TMUB2: variants seen among roughly 807,000 people sequenced by gnomAD.
TMUB2 encodes the protein transmembrane and ubiquitin like domain containing 2, also known as transmembrane and ubiquitin-like domain-containing protein 2.
In TMUB2, 19 loss-of-function variants were observed where a neutral mutation model predicts 20.2. That is an observed-to-expected ratio of 0.94 (90% confidence interval 0.66 to 1.38). The LOEUF (loss-of-function observed/expected upper bound fraction) is 1.38, where lower values mean the gene tolerates loss of function less well. Ranked by LOEUF, TMUB2 falls within the 40% of genes most tolerant of loss-of-function variation. The pLI is 0.00. For synonymous variants in TMUB2, 186 were observed against 166.0 expected, an observed-to-expected ratio of 1.12 and a Z score of -0.92; for missense variants, 426 against 402.5, an observed-to-expected ratio of 1.06 and a Z score of -0.50.
In TMUB2 at chr17:44,189,236, G is replaced by A. The variant is rs1406806595; in HGVS notation, c.250G>A (p.Val84Met). Residue 84 changes from valine to methionine, a missense_variant, in exon 3 of 4, where the codon GTG becomes ATG. By Grantham distance (21) the Val-to-Met change is conservative (BLOSUM62 1). Coordinates refer to ENST00000538716, the MANE Select transcript of TMUB2 (RefSeq NM_001076674.3). Reference sequence around the variant, plus strand: ...CACATCCGTCCTCCACCTGGGGCATGTGGACCACCTGGTGGCAGGCCAAGG... The same window carrying A: ...CACATCCGTCCTCCACCTGGGGCATATGGACCACCTGGTGGCAGGCCAAGG... The part of the protein sequence containing the change: ...GDTSVLHLGH[V>M]DHLVAGQGNP... 1 of 1,612,966 alleles carries A rather than the reference G, an allele frequency of 6.2e-7. No individual in the cohort carries two copies. The highest frequency in any genetic ancestry group is 8.5e-7 in the Non-Finnish European group (1 of 1,179,230).
At position 44,191,565 on chromosome 17, in the gene TMUB2, G is replaced by T; in HGVS notation, c.*701G>T. 2.0e-6 allele frequency: 2 copies of T among 986,086 alleles called. No homozygotes were observed. The highest frequency in any genetic ancestry group is 2.4e-6 in the Non-Finnish European group (2 of 830,110). The allele number at this position is 986,086 out of a possible 1,614,324, so 61.1% of individuals were successfully genotyped here. Reference sequence around the variant, plus strand: ...CGGCCAGGCCACAGCTGCTGCTCCCGTAGTCCTCAGGCTGTAAGCAAGAGA... The same window carrying T: ...CGGCCAGGCCACAGCTGCTGCTCCCTTAGTCCTCAGGCTGTAAGCAAGAGA... On this transcript the variant is annotated 3_prime_UTR_variant, in exon 4 of 4. Transcript: ENST00000538716.
rs202156438 is a variant in TMUB2, at chr17:44,190,466, C to T, written c.603-35C>T. The T allele has an allele frequency of 3.6e-4, 555 of 1,558,146 alleles. 10 individuals are homozygous for T. In the South Asian group the frequency reaches 4.8e-3, roughly 13 times the overall value. On this transcript the variant is annotated intron_variant, in intron 3 of 3. Transcript: ENST00000538716. Reference sequence around the variant, plus strand: ...CCTGTTTGCCTTCTCATTCCTCACCCTCTATCTTTTCTTCCATGTCTTTCA... The same window carrying T: ...CCTGTTTGCCTTCTCATTCCTCACCTTCTATCTTTTCTTCCATGTCTTTCA...
In TMUB2 at chr17:44,191,224, C is replaced by G. The variant is rs925327247; in HGVS notation, c.*360C>G. 9.5e-6 allele frequency: 10 copies of G among 1,047,354 alleles called. No individual in the cohort carries two copies. The African/African-American group carries it at 1.7e-4, about 18-fold the overall frequency. 64.9% of individuals were successfully genotyped at this position (1,047,354 alleles called of 1,614,324 possible). A position where few individuals can be genotyped will look rare whatever the true frequency, so the allele number is the denominator to read the frequency against. ...TGTCCTGCATGTCTGCCCCCAGCACCCAGGGCTGCCTGCAAGGGCAGCTCA... is the reference window on the plus strand; with the variant it reads ...TGTCCTGCATGTCTGCCCCCAGCACGCAGGGCTGCCTGCAAGGGCAGCTCA... On this transcript the variant is annotated 3_prime_UTR_variant, in exon 4 of 4. Coordinates refer to ENST00000538716, the MANE Select transcript of TMUB2 (RefSeq NM_001076674.3).
rs76812311 is a variant in TMUB2, at chr17:44,191,675, G to A, written c.*811G>A. The A allele has an allele frequency of 2.3e-3, 2,287 of 985,814 alleles. 32 individuals carry two copies. In the African/African-American group the frequency reaches 0.034, roughly 15 times the overall value. The allele number at this position is 985,814 out of a possible 1,614,324, so 61.1% of individuals were successfully genotyped here. A position where few individuals can be genotyped will look rare whatever the true frequency, so the allele number is the denominator to read the frequency against. ...GCTGGGCCCTAGGCTCTTGCTTCTG[G>A]GGCTATTGGAGGGTCAGTGTCTGTG... is the stretch of plus-strand genomic sequence containing the variant. On this transcript the variant is annotated 3_prime_UTR_variant, in exon 4 of 4. Transcript: ENST00000538716.
intron 3 of TMUB2, 122 bp downstream of exon 3, chr17:44,189,710 C>G: frequency 1.1e-6 from 1 of 917,950 alleles, no homozygotes; most frequent in Non-Finnish European, 1.6e-6. Context: ...CTACCAAGGG[C>G]AGGTAGATAC....
At chr17:44,190,418 C>G in intron 3 of TMUB2, 83 bp from the exon 4 acceptor site, 2 of 1,353,374 alleles carry the variant, frequency 1.5e-6, no homozygotes, top group South Asian at 3.2e-5. Flanking sequence ...TTTTTCCCCA[C>G]TCCCCTGCTT....
rs1415442762 is a variant in TMUB2, at chr17:44,191,401, C to T, written c.*537C>T. 12 of 987,206 alleles carry T rather than the reference C, an allele frequency of 1.2e-5. No homozygotes were observed. The highest frequency in any genetic ancestry group is 1.1e-5 in the Non-Finnish European group (9 of 830,896). The allele number at this position is 987,206 out of a possible 1,614,324, so 61.2% of individuals were successfully genotyped here. A position where few individuals can be genotyped will look rare whatever the true frequency, so the allele number is the denominator to read the frequency against. On this transcript the variant is annotated 3_prime_UTR_variant, in exon 4 of 4. Transcript: ENST00000538716. Reference sequence around the variant, plus strand: ...ACCTAGCCGCCTTCACCTTCTTCCTCTACCCCTTAGCAGGAATAGGGTGTC... The same window carrying T: ...ACCTAGCCGCCTTCACCTTCTTCCTTTACCCCTTAGCAGGAATAGGGTGTC...
In TMUB2 at chr17:44,190,659, C is replaced by A; in HGVS notation, c.761C>A (p.Ala254Asp). Residue 254 changes from alanine to aspartate, a missense_variant, in exon 4 of 4, where the codon GCC becomes GAC. Coordinates refer to ENST00000538716, the MANE Select transcript of TMUB2 (RefSeq NM_001076674.3). The part of the protein sequence containing the change: ...PPGSAVPGPS[A>D]SLAPSATEPP... ...GGGTCAGCTGTTCCAGGCCCCTCAG[C>A]CTCCTTGGCCCCCTCGGCCACTGAG... 1 of 1,614,234 alleles carries A rather than the reference C, an allele frequency of 6.2e-7. No individual in the cohort carries two copies. Among genetic ancestry groups the A allele is most frequent in the Non-Finnish European group, 8.5e-7 (1 of 1,180,040 alleles).
At chr17:44,190,429 T>C in intron 3 of TMUB2, 72 bp from the exon 4 acceptor site, 1 of 1,474,362 alleles carries the variant, frequency 6.8e-7, no homozygotes, top group Non-Finnish European at 9.0e-7. Context: ...TCCCCTGCTT[T>C]GTTGGTCCAG....
chr17:44,191,736 C>T lies in TMUB2; in HGVS notation c.*872C>T, dbSNP rs1182056456. Reference sequence around the variant, plus strand: ...GTTCCATTTTGTGGTCCTGCAGCCTCTTTCTGTGACAGAGAATGGCTTTGC... The same window carrying T: ...GTTCCATTTTGTGGTCCTGCAGCCTTTTTCTGTGACAGAGAATGGCTTTGC... On this transcript the variant is annotated 3_prime_UTR_variant, in exon 4 of 4. Coordinates refer to ENST00000538716, the MANE Select transcript of TMUB2 (RefSeq NM_001076674.3). The T allele has an allele frequency of 1.0e-6, 1 of 985,656 alleles. No homozygotes were observed. 61.1% of individuals were successfully genotyped at this position (985,656 alleles called of 1,614,324 possible).
Position 44,190,649 on chromosome 17 carries a change from G to A in TMUB2, c.751G>A (p.Gly251Ser). Reference protein sequence around the residue: ...HRSPPGSAVPGPSASLAPSAT... With the variant: ...HRSPPGSAVPSPSASLAPSAT... ...CTCACCCCCAGGGTCAGCTGTTCCAGGCCCCTCAGCCTCCTTGGCCCCCTC... is the reference window on the plus strand; with the variant it reads ...CTCACCCCCAGGGTCAGCTGTTCCAAGCCCCTCAGCCTCCTTGGCCCCCTC... Residue 251 changes from glycine (G) to serine (S), a missense_variant, in exon 4 of 4, where the codon GGC becomes AGC. Coordinates refer to ENST00000538716, the MANE Select transcript of TMUB2 (RefSeq NM_001076674.3). 6.2e-7 allele frequency: 1 copy of A among 1,614,250 alleles called. No homozygotes were observed. The highest frequency in any genetic ancestry group is 2.2e-5 in the East Asian group (1 of 44,884).
At position 44,187,707 on chromosome 17, in the gene TMUB2, C is replaced by T. The variant is rs1270635512; in HGVS notation, c.-2C>T. On this transcript the variant is annotated 5_prime_UTR_variant, in exon 2 of 4. Transcript: ENST00000538716. Reference sequence around the variant, plus strand: ...AGGCACTGTGCCAAGTATTTTGCTTCGATGATTTCACGTCATCTTCAAAAC... The same window carrying T: ...AGGCACTGTGCCAAGTATTTTGCTTTGATGATTTCACGTCATCTTCAAAAC... The T allele has an allele frequency of 1.4e-6, 1 of 718,600 alleles. No homozygotes were observed. Among genetic ancestry groups the T allele is most frequent in the Admixed American group, 2.0e-5 (1 of 50,016 alleles). 44.5% of individuals were successfully genotyped at this position (718,600 alleles called of 1,614,324 possible).
rs1327159190 is a variant in TMUB2, at chr17:44,191,194, C to G, written c.*330C>G. ...CCTCCCACCTGTGGTTCTGACTCTT[C>G]CCAGTGTCCTGCATGTCTGCCCCCA... On this transcript the variant is annotated 3_prime_UTR_variant, in exon 4 of 4. Transcript: ENST00000538716. 9.1e-7 allele frequency: 1 copy of G among 1,096,644 alleles called. No individual in the cohort carries two copies. The allele number at this position is 1,096,644 out of a possible 1,614,324, so 67.9% of individuals were successfully genotyped here.
At position 44,190,693 on chromosome 17, in the gene TMUB2, C is replaced by G; in HGVS notation, c.795C>G (p.Ser265Arg). The change falls in exon 4 of 4, where the codon AGC (serine) becomes AGG (arginine). Residue 265 changes from serine to arginine, a missense_variant. Transcript: ENST00000538716. ...CCCCCTCGGCCACTGAGCCACCCAG[C>G]CTTGGTGTCAATGTGGGCAGCCTCA... ...SLAPSATEPP[S>R]LGVNVGSLMV... is the part of the protein sequence containing the mutation. 6.2e-7 allele frequency: 1 copy of G among 1,614,238 alleles called. No individual in the cohort carries two copies. Among genetic ancestry groups the G allele is most frequent in the Middle Eastern group, 1.6e-4 (1 of 6,062 alleles).
Position 44,191,027 on chromosome 17 carries a change from A to G in TMUB2, c.*163A>G, listed in dbSNP as rs1247580366. On this transcript the variant is annotated 3_prime_UTR_variant, in exon 4 of 4. Transcript: ENST00000538716. ...GGCAAGTATGCGGCCTCCCCTTCTCATCCACAGGAGTACAGATGTCCCTCC... is the reference window on the plus strand; with the variant it reads ...GGCAAGTATGCGGCCTCCCCTTCTCGTCCACAGGAGTACAGATGTCCCTCC... 7 of 1,449,788 alleles carry G rather than the reference A, an allele frequency of 4.8e-6. No homozygotes were observed. Among genetic ancestry groups the G allele is most frequent in the Non-Finnish European group, 6.3e-6 (7 of 1,107,314 alleles). The allele number at this position is 1,449,788 out of a possible 1,614,324, so 89.8% of individuals were successfully genotyped here.
rs778673974 is a variant in TMUB2 at position 44,190,591 on chromosome 17, C to A, written c.693C>A (p.Asn231Lys). 2 of 1,614,220 alleles carry A rather than the reference C, an allele frequency of 1.2e-6. No individual in the cohort carries two copies. Among genetic ancestry groups the A allele is most frequent in the South Asian group, 2.2e-5 (2 of 91,084 alleles). ...CAGCCCGCACACTGCGTTCTCTGAA[C>A]ATTACCGACAACTGTGTGATTCACT... ...QDPARTLRSL[N>K]ITDNCVIHCH... is the part of the protein sequence containing the mutation. The change falls in exon 4 of 4, where the codon AAC (asparagine) becomes AAA (lysine). Residue 231 changes from asparagine (N) to lysine (K), a missense_variant. Coordinates refer to ENST00000538716, the MANE Select transcript of TMUB2 (RefSeq NM_001076674.3).
Position 44,190,708 on chromosome 17 carries a change from G to C in TMUB2, c.810G>C (p.Val270=). ...AGCCACCCAGCCTTGGTGTCAATGT[G>C]GGCAGCCTCATGGTGCCTGTCTTTG... ...ATEPPSLGVN[V]GSLMVPVFVV... Residue 270 remains valine (V), a synonymous_variant, in exon 4 of 4, where the codon GTG becomes GTC. Transcript: ENST00000538716. 1 of 1,614,212 alleles carries C rather than the reference G, an allele frequency of 6.2e-7. No homozygotes were observed. The highest frequency in any genetic ancestry group is 8.5e-7 in the Non-Finnish European group (1 of 1,180,046).
chr17:44,189,662 C>A, intron 3 of TMUB2, 74 bp downstream of exon 3: 1 of 1,381,198 alleles, frequency 7.2e-7, no homozygotes, highest in Non-Finnish European at 9.7e-7. Context: ...GAGGCTGGTG[C>A]AGACATGGGA....
chr17:44,190,349 CAAAAAAAA>C (rs34097625), intron 3 of TMUB2, 144 bp from the exon 4 acceptor site: 50 of 324,806 alleles, frequency 1.5e-4, no homozygotes, highest in Non-Finnish European at 1.8e-4. Flanking sequence ...GACTCCGTCT[CAAAAAAAA>C]AAAAAAAAAA....
Sources: gnomAD v4.1 joint callset for allele counts on GRCh38, gnomAD v4.1.1 for gene constraint, MANE v1.5 for transcripts, NCBI Gene and HGNC (gene_info 2026-07-23, HGNC 2026-07-21) for gene names.